The following CTNNA2 variants were observed in gnomAD, a reference collection of about 807,000 sequenced individuals.
CTNNA2 encodes the protein catenin alpha 2.
In CTNNA2, 42 loss-of-function variants were observed where a neutral mutation model predicts 101.0. The ratio of observed to expected loss-of-function variants is 0.42; its 90% confidence interval spans 0.32 to 0.54. CTNNA2 has a LOEUF of 0.54. CTNNA2 is among the 20% of genes least tolerant of loss of function. The pLI is 0.14. For missense variants in CTNNA2, 871 were observed against 1,223.1 expected, an observed-to-expected ratio of 0.71 and a Z score of 4.29; for synonymous variants, 450 against 456.4, an observed-to-expected ratio of 0.99 and a Z score of 0.18.
At chr2:80,430,383 T>G (rs954258023) in intron 9 of CTNNA2, among the ~76,000 whole-genome samples, 2 of 152,108 alleles carry the variant, frequency 1.3e-5, no homozygotes, top group African/African-American at 4.8e-5. Context: ...TATCATAATT[T>G]TGCAGATGAG....
intron 9 of CTNNA2, among the ~76,000 whole-genome samples, chr2:80,490,682 A>G (rs1196731727): frequency 3.9e-5 from 6 of 152,014 alleles, no homozygotes; most frequent in Non-Finnish European, 8.8e-5. Flanking sequence ...CCTATAGTAC[A>G]TTTTCTAAAT....
At chr2:79,762,416 T>C (rs1573904246) in intron 3 of CTNNA2, among the ~76,000 whole-genome samples, 1 of 152,300 alleles carries the variant, frequency 6.6e-6, no homozygotes, top group East Asian at 1.9e-4. Flanking sequence ...CTCCTGGTTC[T>C]TTCATTTCAG....
At chr2:79,769,046 G>A (rs1170596574) in intron 3 of CTNNA2, among the ~76,000 whole-genome samples, 1 of 152,198 alleles carries the variant, frequency 6.6e-6, no homozygotes, top group Non-Finnish European at 1.5e-5. Context: ...TAGTAGAGAA[G>A]AGGTTTCATC....
chr2:79,964,611 A>T lies in CTNNA2; in HGVS notation c.1056+54814A>T, dbSNP rs545255885. The stretch of plus-strand genomic sequence containing the variant: ...TTATTCCGTGATTTCCTTCTAAATA[A>T]TGAATTAGAGAGAGGTAAGGTAATT... On this transcript the variant is annotated intron_variant, in intron 7 of 18. Transcript: ENST00000402739. 2.6e-5 allele frequency among the ~76,000 whole-genome samples: 4 copies of T among 152,330 alleles called. No individual in the cohort carries two copies. In the South Asian group the frequency reaches 8.3e-4, roughly 32 times the overall value.
intron 1 of CTNNA2, among the ~76,000 whole-genome samples, chr2:79,186,398 G>A (rs1242498172): frequency 6.6e-6 from 1 of 152,150 alleles, no homozygotes; most frequent in East Asian, 1.9e-4. Context: ...TAAGAGATGA[G>A]CACTCTACTT....
At chr2:80,352,929 A>G (rs1046981242) in intron 7 of CTNNA2, among the ~76,000 whole-genome samples, 5 of 151,850 alleles carry the variant, frequency 3.3e-5, no homozygotes, top group African/African-American at 1.2e-4. Context: ...AAAAAAAAAA[A>G]TAAAGATTCC....
At chr2:79,963,776 C>A (rs1464084923) in intron 7 of CTNNA2, among the ~76,000 whole-genome samples, 1 of 152,222 alleles carries the variant, frequency 6.6e-6, no homozygotes, top group East Asian at 1.9e-4. Flanking sequence ...CTAAATGCAT[C>A]TTACCTTAGC....
In CTNNA2 at chr2:80,302,985, C is replaced by T; in HGVS notation, c.1057-90226C>T. 6 of 1,613,342 alleles carry T rather than the reference C, an allele frequency of 3.7e-6. No individual in the cohort carries two copies. The highest frequency in any genetic ancestry group is 5.1e-6 in the Non-Finnish European group (6 of 1,179,934). ...AGCTGCAGGGACTGCAGGTGCGGCA[C>T]GGTCTCGAACACATGGGGCTCCATG... On this transcript the variant is annotated intron_variant, in intron 7 of 18. Coordinates refer to ENST00000402739, the MANE Select transcript of CTNNA2 (RefSeq NM_001282597.3). The surrounding 1 kb of genome is among the most constrained non-coding windows in gnomAD (Gnocchi z 6.4).
chr2:79,387,078 G>T (rs564382582), intron 4 of CTNNA2, among the ~76,000 whole-genome samples: 1 of 152,124 alleles, frequency 6.6e-6, no homozygotes, highest in Non-Finnish European at 1.5e-5. Flanking sequence ...CTTTTGAAAT[G>T]ATTTACTTTA....
chr2:80,489,598 G>A (rs1402537451), intron 9 of CTNNA2, among the ~76,000 whole-genome samples: 1 of 152,092 alleles, frequency 6.6e-6, no homozygotes, highest in East Asian at 1.9e-4. Context: ...TTCACTTCTT[G>A]TTTCTGAAAA....
intron 3 of CTNNA2, among the ~76,000 whole-genome samples, chr2:79,798,493 A>C (rs1675894715): frequency 6.6e-6 from 1 of 151,768 alleles, no homozygotes; most frequent in Admixed American, 6.6e-5. Flanking sequence ...TTAAAAATGC[A>C]GAATAGGAGA....
intron 1 of CTNNA2, among the ~76,000 whole-genome samples, chr2:79,519,818 T>G (rs1405018990): frequency 6.6e-6 from 1 of 152,202 alleles, no homozygotes; most frequent in African/African-American, 2.4e-5. Flanking sequence ...TCTTTCATTT[T>G]GAAACTTCTT....
intron 17 of CTNNA2, 140 bp downstream of exon 17, chr2:80,608,458 A>G: frequency 1.3e-6 from 1 of 785,884 alleles, no homozygotes. Context: ...TGTTATCACC[A>G]TTATTCCAGA....
In CTNNA2 at chr2:79,598,124, A is replaced by G. The variant is rs560810357; in HGVS notation, c.-5-53428A>G. Among the ~76,000 whole-genome samples the G allele has an allele frequency of 6.6e-5, 10 of 152,322 alleles. No homozygotes were observed. The South Asian group carries it at 1.7e-3, about 25-fold the overall frequency. On this transcript the variant is annotated intron_variant, in intron 1 of 18. Transcript: ENST00000402739. Reference sequence around the variant, plus strand: ...GTAATAATGCATTTAAGTTTCTTCTATGTCTTTTCATGGCTTAATGGCACA... The same window carrying G: ...GTAATAATGCATTTAAGTTTCTTCTGTGTCTTTTCATGGCTTAATGGCACA...
At chr2:79,713,360 C>T (rs1216401875) in intron 2 of CTNNA2, among the ~76,000 whole-genome samples, 2 of 152,100 alleles carry the variant, frequency 1.3e-5, no homozygotes, top group Non-Finnish European at 2.9e-5. Context: ...GTGGGAAGGT[C>T]GCTTGAGGCC....
At chr2:80,579,786 C>G (rs1695370184) in intron 13 of CTNNA2, among the ~76,000 whole-genome samples, 1 of 152,218 alleles carries the variant, frequency 6.6e-6, no homozygotes. Context: ...TTATGCCTGT[C>G]TGACCAATCT....
chr2:80,097,456 A>G (rs1405978844), intron 7 of CTNNA2, among the ~76,000 whole-genome samples: 2 of 151,874 alleles, frequency 1.3e-5, no homozygotes, highest in Non-Finnish European at 2.9e-5. Context: ...CTTCATTTCA[A>G]CTTTGGTGAA....
intron 7 of CTNNA2, among the ~76,000 whole-genome samples, chr2:80,090,162 GTGTGTGTGTGTGTGTGTGTGTGTGTGTT>G (rs1699703742): frequency 1.1e-5 from 1 of 88,672 alleles, no homozygotes; most frequent in South Asian, 4.2e-4. Context: ...GTGTGTGTGT[GTGTGTGTGTGTGTGTGTGTGTGTGTGTT>G]TGTGTGTATG....
intron 2 of CTNNA2, among the ~76,000 whole-genome samples, chr2:79,245,250 G>A (rs932992104): frequency 6.6e-6 from 1 of 152,112 alleles, no homozygotes; most frequent in African/African-American, 2.4e-5. Context: ...CCAGTGTTCA[G>A]GAGCAGCCTG....
Sources: allele counts gnomAD v4.1 joint callset (sites outside exome capture counted in the v4.1 genomes callset), GRCh38; gene constraint gnomAD v4.1.1; non-coding constraint Gnocchi (gnomAD v3.1); transcripts MANE v1.5; gene names NCBI Gene and HGNC (gene_info 2026-07-23, HGNC 2026-07-21).